TMEM182: variants seen among roughly 807,000 people sequenced by gnomAD.
TMEM182 encodes the protein transmembrane protein 182.
A neutral mutation model predicts 26.8 loss-of-function variants in TMEM182; 20 were observed. The observed-to-expected ratio is 0.75, with a 90% confidence interval of 0.53 to 1.09. The LOEUF (loss-of-function observed/expected upper bound fraction) is 1.09, where lower values mean the gene tolerates loss of function less well. TMEM182 is among the 50% of genes least tolerant of loss of function. The pLI, the probability that TMEM182 is intolerant of heterozygous loss-of-function variation, is 0.00. For missense variants in TMEM182, 277 were observed against 275.5 expected (o/e 1.01, Z -0.04); for synonymous variants, 109 against 102.2 (o/e 1.07, Z -0.40).
At position 102,816,107 on chromosome 2, in the gene TMEM182, A is replaced by T. The variant is rs1036700800; in HGVS notation, c.*1139A>T. 11 of 985,312 alleles carry T rather than the reference A, an allele frequency of 1.1e-5. No homozygotes were observed. Among genetic ancestry groups the T allele is most frequent in the Non-Finnish European group, 1.2e-5 (10 of 829,936 alleles). The allele number at this position is 985,312 out of a possible 1,614,324, so 61.0% of individuals were successfully genotyped here. ...GGGGAAAGATGATTCTGTATTATTC[A>T]GTAGCATAGACATTTTGCATATCAA... On this transcript the variant is annotated 3_prime_UTR_variant, in exon 5 of 5. Transcript: ENST00000412401.
Position 102,797,987 on chromosome 2 carries a change from A to G in TMEM182, c.456A>G (p.Ser152=), listed in dbSNP as rs762391803. ...SHFLYKAGGG[S]YIAAGILFSL... ...TTCTCTACAAAGCTGGGGGAGGCTCATATATTGCTGCAGGTACGTACGGTG... is the reference window on the plus strand; with the variant it reads ...TTCTCTACAAAGCTGGGGGAGGCTCGTATATTGCTGCAGGTACGTACGGTG... Residue 152 remains serine (S), a synonymous_variant, in exon 4 of 5, where the codon TCA becomes TCG. Transcript: ENST00000412401. 6.2e-7 allele frequency: 1 copy of G among 1,613,864 alleles called. No homozygotes were observed. Among genetic ancestry groups the G allele is most frequent in the Non-Finnish European group, 8.5e-7 (1 of 1,179,974 alleles).
rs1046293970 is a variant in TMEM182 at position 102,815,587 on chromosome 2, A to G, written c.*619A>G. 1.0e-6 allele frequency: 1 copy of G among 985,416 alleles called. No individual in the cohort carries two copies. Among genetic ancestry groups the G allele is most frequent in the East Asian group, 1.1e-4 (1 of 8,832 alleles). The allele number at this position is 985,416 out of a possible 1,614,324, so 61.0% of individuals were successfully genotyped here. Reference sequence around the variant, plus strand: ...TTCACCAACAGTGGTTTGGTTACCTAGTTTTATTCACTTAATTGTGCATGC... The same window carrying G: ...TTCACCAACAGTGGTTTGGTTACCTGGTTTTATTCACTTAATTGTGCATGC... On this transcript the variant is annotated 3_prime_UTR_variant, in exon 5 of 5. Transcript: ENST00000412401.
chr2:102,787,927 G>A (rs1437939612), intron 3 of TMEM182, among the ~76,000 whole-genome samples: 1 of 152,216 alleles, frequency 6.6e-6, no homozygotes, highest in African/African-American at 2.4e-5. Context: ...TGAGGGCTAA[G>A]CCATTGCCTG....
At chr2:102,791,405 T>C (rs1681630826) in intron 3 of TMEM182, among the ~76,000 whole-genome samples, 1 of 152,246 alleles carries the variant, frequency 6.6e-6, no homozygotes, top group African/African-American at 2.4e-5. Flanking sequence ...TCTACTAGAA[T>C]AAGGTTTTGA....
chr2:102,820,438 G>C (rs1682896640), downstream of TMEM182, among the ~76,000 whole-genome samples: 3 of 152,160 alleles, frequency 2.0e-5, no homozygotes, highest in Admixed American at 6.6e-5. Context: ...GAACAGACAA[G>C]TGAGAAAAAT....
At chr2:102,781,729 C>A (rs1487883965) in intron 3 of TMEM182, among the ~76,000 whole-genome samples, 1 of 151,928 alleles carries the variant, frequency 6.6e-6, no homozygotes, top group Non-Finnish European at 1.5e-5. Flanking sequence ...AAGGCGCAAC[C>A]GAAATCTAAT....
upstream of TMEM182, among the ~76,000 whole-genome samples, chr2:102,760,450 C>A (rs561456726): frequency 6.6e-6 from 1 of 152,088 alleles, no homozygotes; most frequent in African/African-American, 2.4e-5. Context: ...TCCTTAAATG[C>A]CACAGGCTGG....
intron 1 of TMEM182, among the ~76,000 whole-genome samples, chr2:102,748,185 A>G (rs1241091171): frequency 6.6e-6 from 1 of 152,248 alleles, no homozygotes; most frequent in Non-Finnish European, 1.5e-5. Context: ...AAAATCCAGA[A>G]GTGCAGCTCC....
intron 1 of TMEM182, among the ~76,000 whole-genome samples, chr2:102,755,744 A>G (rs565711229): frequency 6.6e-5 from 10 of 152,330 alleles, no homozygotes; most frequent in African/African-American, 2.4e-4. Flanking sequence ...TGTCCCCAGT[A>G]ACGTCGTTAA....
At chr2:102,794,612 G>C (rs1681790917) in intron 3 of TMEM182, among the ~76,000 whole-genome samples, 1 of 152,172 alleles carries the variant, frequency 6.6e-6, no homozygotes. Flanking sequence ...GCTTAAAAAT[G>C]TTTTCCCACT....
chr2:102,837,577 T>C (rs1683269883), intron 3 of TMEM182, among the ~76,000 whole-genome samples: 1 of 152,004 alleles, frequency 6.6e-6, no homozygotes, highest in African/African-American at 2.4e-5. Context: ...GCTGTTGTGG[T>C]GTCACCTTGA....
intron 1 of TMEM182, among the ~76,000 whole-genome samples, chr2:102,747,197 A>C (rs1205443397): frequency 6.6e-6 from 1 of 152,192 alleles, no homozygotes; most frequent in Non-Finnish European, 1.5e-5. Context: ...AGGACGGTAC[A>C]TAGTGAGATG....
At position 102,762,256 on chromosome 2, in the gene TMEM182, T is replaced by C; in HGVS notation, c.39T>C (p.Phe13=). Reference sequence around the variant, plus strand: ...TCGCTATCTTCTTTGGAGCTCTCTTTGGTGCTTTGGGGGTGTTACTCTTTT... The same window carrying C: ...TCGCTATCTTCTTTGGAGCTCTCTTCGGTGCTTTGGGGGTGTTACTCTTTT... ...LNIAIFFGAL[F]GALGVLLFLV... Residue 13 remains phenylalanine (F), a synonymous_variant, in exon 1 of 5, where the codon TTT becomes TTC. Transcript: ENST00000412401. 1 of 1,613,956 alleles carries C rather than the reference T, an allele frequency of 6.2e-7. No homozygotes were observed. Among genetic ancestry groups the C allele is most frequent in the South Asian group, 1.1e-5 (1 of 91,082 alleles).
intron 3 of TMEM182, among the ~76,000 whole-genome samples, chr2:102,787,518 A>G (rs1681448915): frequency 1.3e-5 from 2 of 152,232 alleles, no homozygotes; most frequent in Non-Finnish European, 2.9e-5. Context: ...GGTTCAACAT[A>G]TGAATTTGAG....
chr2:102,753,925 C>A (rs1679958904), intron 1 of TMEM182, among the ~76,000 whole-genome samples: 1 of 152,098 alleles, frequency 6.6e-6, no homozygotes, highest in Admixed American at 6.5e-5. Context: ...ATATGTAAGA[C>A]TAGAAAACCT....
chr2:102,805,386 G>A (rs1295831023), intron 4 of TMEM182, among the ~76,000 whole-genome samples: 1 of 152,190 alleles, frequency 6.6e-6, no homozygotes, highest in African/African-American at 2.4e-5. Context: ...GAGACACAGA[G>A]CCATTTCTTT....
At chr2:102,763,167 GGCAGATGAAA>G (rs1680287092) in intron 2 of TMEM182, among the ~76,000 whole-genome samples, 1 of 152,012 alleles carries the variant, frequency 6.6e-6, no homozygotes, top group African/African-American at 2.4e-5. Context: ...TACCAGCCAT[GGCAGATGAAA>G]GCTTATATTA....
At chr2:102,742,795 C>T (rs1558748812) in intron 1 of TMEM182, among the ~76,000 whole-genome samples, 1 of 152,000 alleles carries the variant, frequency 6.6e-6, no homozygotes, top group Non-Finnish European at 1.5e-5. Context: ...CTCCACCAAC[C>T]TAGAATAATT....
intron 3 of TMEM182, among the ~76,000 whole-genome samples, chr2:102,788,117 C>T (rs1681475765): frequency 6.6e-6 from 1 of 152,090 alleles, no homozygotes; most frequent in South Asian, 2.1e-4. Flanking sequence ...CTATGTTGCC[C>T]AGGCTGGATT....
Sources: gnomAD v4.1 joint callset for allele counts (sites outside exome capture counted in the v4.1 genomes callset) on GRCh38, gnomAD v4.1.1 for gene constraint, MANE v1.5 for transcripts, NCBI Gene and HGNC (gene_info 2026-07-23, HGNC 2026-07-21) for gene names.